DAGLA: variants seen among roughly 807,000 people sequenced by gnomAD.
The protein encoded by DAGLA is diacylglycerol lipase-alpha.
DAGLA carries 22 observed loss-of-function variants against 102.6 expected under a neutral mutation model. The observed-to-expected ratio is 0.21, with a 90% CI of 0.15 to 0.31. The LOEUF (loss-of-function observed/expected upper bound fraction) is 0.31, where lower values mean the gene tolerates loss of function less well. Ranked by LOEUF, DAGLA falls within the 10% of genes least tolerant of loss-of-function variation. The probability of loss-of-function intolerance (pLI) is 1.00; values close to 1 mark genes in which losing one functional copy is unlikely to be tolerated. For missense variants in DAGLA, 927 were observed against 1,446.6 expected (o/e 0.64, Z 5.83); for synonymous variants, 578 against 628.9 (o/e 0.92, Z 1.21).
intron 1 of DAGLA, among the ~76,000 whole-genome samples, chr11:61,711,630 C>T (rs1027836830): frequency 7.9e-5 from 12 of 152,228 alleles, no homozygotes; most frequent in Non-Finnish European, 1.8e-4. Flanking sequence ...CAGCAGGAAA[C>T]GAAAGGCCTC....
intron 1 of DAGLA, among the ~76,000 whole-genome samples, chr11:61,713,382 A>G (rs1221046171): frequency 2.0e-5 from 3 of 152,200 alleles, no homozygotes; most frequent in African/African-American, 7.2e-5. Context: ...CAGAACTGTT[A>G]TGAGGACTAG....
chr11:61,681,531 C>T (rs947689022), intron 1 of DAGLA, among the ~76,000 whole-genome samples: 5 of 152,134 alleles, frequency 3.3e-5, no homozygotes, highest in Non-Finnish European at 2.9e-5. Flanking sequence ...GGCGCACCAT[C>T]TATCTGTAGT....
chr11:61,745,618 A>G lies in DAGLA; in HGVS notation c.*1129A>G, dbSNP rs957556119. On this transcript the variant is annotated 3_prime_UTR_variant, in exon 20 of 20. Transcript: ENST00000257215. ...CAGGGAGGGGCCTGGGGCTGGGAGC[A>G]GTCCCGGTTTAGCCTGAGGTCCCCA... 2 of 152,620 alleles carry G rather than the reference A, an allele frequency of 1.3e-5. No homozygotes were observed. The highest frequency in any genetic ancestry group is 4.8e-5 in the African/African-American group (2 of 41,440). 9.5% of individuals were successfully genotyped at this position (152,620 alleles called of 1,614,324 possible).
intron 1 of DAGLA, among the ~76,000 whole-genome samples, chr11:61,718,740 C>T (rs1049234369): frequency 1.7e-4 from 26 of 152,138 alleles, no homozygotes; most frequent in Admixed American, 1.7e-3. Context: ...GAGGAGTAGG[C>T]ACGACCCCGG....
intron 16 of DAGLA, among the ~76,000 whole-genome samples, chr11:61,738,882 G>T (rs2065450940): frequency 1.4e-5 from 2 of 144,874 alleles, no homozygotes; most frequent in Middle Eastern, 3.4e-3. Context: ...TCTCAGCCCC[G>T]TCTGGACCGT....
At chr11:61,731,491 G>C in intron 9 of DAGLA, 50 bp downstream of exon 9, 1 of 1,604,828 alleles carries the variant, frequency 6.2e-7, no homozygotes, top group Non-Finnish European at 8.5e-7. Context: ...CCTCCCGGGT[G>C]GTGTGTGAGG....
chr11:61,703,252 C>G lies in DAGLA; in HGVS notation c.-44-16860C>G, dbSNP rs546061606. ...AGACCCCTCCCCTGAGAAGCCACAC[C>G]CTGGTGGAGGGAGCCAGATGGTAAA... On this transcript the variant is annotated intron_variant, in intron 1 of 19. Coordinates refer to ENST00000257215, the MANE Select transcript of DAGLA (RefSeq NM_006133.3). Among the ~76,000 whole-genome samples the G allele has an allele frequency of 7.9e-5, 12 of 152,304 alleles. No individual in the cohort carries two copies. In the South Asian group the frequency reaches 2.1e-3, roughly 26 times the overall value.
chr11:61,710,988 G>A (rs556896951), intron 1 of DAGLA, among the ~76,000 whole-genome samples: 2 of 152,138 alleles, frequency 1.3e-5, no homozygotes, highest in African/African-American at 2.4e-5. Flanking sequence ...ATTCAAATTC[G>A]GGCTGCCCTG....
intron 1 of DAGLA, among the ~76,000 whole-genome samples, chr11:61,683,401 G>A (rs1000537630): frequency 3.3e-5 from 5 of 152,016 alleles, no homozygotes; most frequent in Admixed American, 2.6e-4. Flanking sequence ...TGTCTCACCC[G>A]CTCCCTGCAG....
rs1444111828 is a variant in DAGLA at position 61,745,832 on chromosome 11, T to A, written c.*1343T>A. On this transcript the variant is annotated 3_prime_UTR_variant, in exon 20 of 20. Transcript: ENST00000257215. ...ACCTGCCCTGCCTGCCTGCTGCCCC[T>A]CCCAGCCTGCCAAGAAAACGGTAGG... 4.6e-5 allele frequency: 7 copies of A among 152,850 alleles called. No homozygotes were observed. The highest frequency in any genetic ancestry group is 1.7e-4 in the African/African-American group (7 of 41,542). 9.5% of individuals were successfully genotyped at this position (152,850 alleles called of 1,614,324 possible). A position where few individuals can be genotyped will look rare whatever the true frequency, so the allele number is the denominator to read the frequency against.
chr11:61,728,236 G>T lies in DAGLA; in HGVS notation c.720G>T (p.Leu240=). The change falls in exon 7 of 20, where the codon CTG becomes CTT. Residue 240 remains leucine (L), a synonymous_variant. Transcript: ENST00000257215. ...DIVPSDIIAG[L]VLLRQRQRAK... Reference sequence around the variant, plus strand: ...TGCCATCCGACATCATTGCTGGCCTGGTGCTGCTCCGGCAGCGGCAGCGGG... The same window carrying T: ...TGCCATCCGACATCATTGCTGGCCTTGTGCTGCTCCGGCAGCGGCAGCGGG... The T allele has an allele frequency of 6.2e-7, 1 of 1,614,006 alleles. No homozygotes were observed. The highest frequency in any genetic ancestry group is 1.1e-5 in the South Asian group (1 of 91,088).
intron 18 of DAGLA, among the ~76,000 whole-genome samples, chr11:61,740,893 A>G (rs2065472514): frequency 6.6e-6 from 1 of 152,168 alleles, no homozygotes. Flanking sequence ...ATGAATGGGC[A>G]AGCAGCGACA....
At chr11:61,685,521 G>A in intron 1 of DAGLA, among the ~76,000 whole-genome samples, 1 of 152,064 alleles carries the variant, frequency 6.6e-6, no homozygotes, top group Non-Finnish European at 1.5e-5. Flanking sequence ...GGACATAGTC[G>A]ATAGTTATTT....
At chr11:61,740,752 A>G (rs1343253465) in intron 18 of DAGLA, among the ~76,000 whole-genome samples, 160 bp downstream of exon 18, 2 of 152,170 alleles carry the variant, frequency 1.3e-5, no homozygotes, top group Non-Finnish European at 2.9e-5. Flanking sequence ...AAATACTTCA[A>G]CCTCACACCC....
intron 9 of DAGLA, among the ~76,000 whole-genome samples, chr11:61,733,116 T>A (rs1037146046): frequency 6.6e-6 from 1 of 152,232 alleles, no homozygotes; most frequent in African/African-American, 2.4e-5. Flanking sequence ...ACCAGCCTTG[T>A]GAAGTAGCTG....
At chr11:61,739,372 C>T (rs2065455093) in intron 16 of DAGLA, 93 bp from the exon 17 acceptor site, 9 of 1,295,872 alleles carry the variant, frequency 6.9e-6, no homozygotes, top group Non-Finnish European at 9.7e-6. Context: ...CCACCTCTCA[C>T]CTGCTGAGCC....
chr11:61,736,929 C>T (rs755501217), intron 13 of DAGLA, among the ~76,000 whole-genome samples: 1 of 152,338 alleles, frequency 6.6e-6, no homozygotes, highest in South Asian at 2.1e-4. Flanking sequence ...CCTGGAAAAT[C>T]AGAAGGGCTT....
At chr11:61,732,306 C>T (rs1352210797) in intron 9 of DAGLA, among the ~76,000 whole-genome samples, 2 of 152,192 alleles carry the variant, frequency 1.3e-5, no homozygotes, top group African/African-American at 4.8e-5. Flanking sequence ...AGCTGGGTGG[C>T]TCTCGGGGCC....
intron 17 of DAGLA, 38 bp from the exon 18 acceptor site, chr11:61,740,425 C>T (rs749174386): frequency 6.3e-5 from 101 of 1,603,486 alleles, no homozygotes; most frequent in Non-Finnish European, 8.0e-5. Context: ...CAGGCCACCA[C>T]CCCACCCTTA....
Sources: gnomAD v4.1 joint callset for allele counts (sites outside exome capture counted in the v4.1 genomes callset) on GRCh38, gnomAD v4.1.1 for gene constraint, MANE v1.5 for transcripts, NCBI Gene and HGNC (gene_info 2026-07-23, HGNC 2026-07-21) for gene names.